Variants in SNX22 observed in about 807,000 individuals in gnomAD.
SNX22 encodes the protein sorting nexin-22.
Under a neutral mutation model 24.7 loss-of-function variants are expected in SNX22, and 23 were observed. The observed-to-expected ratio is 0.93, with a 90% CI of 0.67 to 1.32. The LOEUF (loss-of-function observed/expected upper bound fraction) is 1.32, where lower values mean the gene tolerates loss of function less well. Ranked by LOEUF, SNX22 falls within the 40% of genes most tolerant of loss-of-function variation. SNX22 has a pLI of 0.00. For synonymous variants in SNX22, 99 were observed against 104.0 expected (o/e 0.95, Z 0.29); for missense variants, 261 against 249.9 (o/e 1.04, Z -0.30).
intron 4 of SNX22, 29 bp downstream of exon 4, chr15:64,153,368 G>A (rs1232007315): frequency 4.3e-6 from 7 of 1,612,934 alleles, no homozygotes; most frequent in East Asian, 2.2e-5. Context: ...GGGGGCCAGG[G>A]GCTGTCAGCA....
intron 5 of SNX22, 43 bp from the exon 6 acceptor site, chr15:64,153,892 C>T (rs1343615484): frequency 1.3e-6 from 2 of 1,597,882 alleles, no homozygotes; most frequent in East Asian, 2.2e-5. Flanking sequence ...GGGATTCTGC[C>T]CTGCCTCCCG....
Position 64,155,510 on chromosome 15 carries a change from CAAAAA to C in SNX22, c.*1022_*1026del, listed in dbSNP as rs3056904. 1.0e-4 allele frequency: 13 copies of C among 124,686 alleles called. No individual in the cohort carries two copies. The highest frequency in any genetic ancestry group is 7.1e-4 in the South Asian group (3 of 4,228). The allele number at this position is 124,686 out of a possible 1,614,324, so 7.7% of individuals were successfully genotyped here. ...GCAACATAGTGAGACCTGTCTCTAC[CAAAAA>C]AAAAAAAAAAAAAAAAAAATCAATT... On this transcript the variant is annotated 3_prime_UTR_variant, in exon 7 of 7. Transcript: ENST00000325881.
At position 64,154,079 on chromosome 15, in the gene SNX22, C is replaced by G. The variant is rs114852934; in HGVS notation, c.460+77C>G. 477 of 1,613,562 alleles carry G rather than the reference C, an allele frequency of 3.0e-4. 2 individuals carry two copies. In the African/African-American group the frequency reaches 5.8e-3, roughly 20 times the overall value. The stretch of plus-strand genomic sequence containing the variant: ...TTTCTCGGCTCCTGGGACCCTCAGA[C>G]AGCATCTCCTTCCTGCTGCCCACCT... On this transcript the variant is annotated intron_variant, in intron 6 of 6. Transcript: ENST00000325881.
At chr15:64,154,032 G>C in intron 6 of SNX22, 30 bp downstream of exon 6, 1 of 1,614,140 alleles carries the variant, frequency 6.2e-7, no homozygotes. Context: ...TGGGGCTACA[G>C]GGCTGGGTTG....
In SNX22 at chr15:64,151,995, G is replaced by A. The variant is rs963897861; in HGVS notation, c.75+145G>A. On this transcript the variant is annotated intron_variant, in intron 1 of 6. Coordinates refer to ENST00000325881, the MANE Select transcript of SNX22 (RefSeq NM_024798.3). ...GGGAAACCTTGTCGAGGGTTTGGGG[G>A]CCGCTTGGATTTGCCAGCCTCGCGG... The A allele has an allele frequency of 6.6e-6, 6 of 912,064 alleles. No individual in the cohort carries two copies. In the Admixed American group the frequency reaches 1.7e-4, roughly 26 times the overall value. The allele number at this position is 912,064 out of a possible 1,614,324, so 56.5% of individuals were successfully genotyped here.
Position 64,156,936 on chromosome 15 carries a change from G to A in SNX22, c.*2428G>A, listed in dbSNP as rs28720192. The stretch of plus-strand genomic sequence containing the variant: ...TGGGAAAAAAGACAGAGCAGGTCAG[G>A]GGCGCTGGATTGCGCCAAACCAAGC... On this transcript the variant is annotated 3_prime_UTR_variant, in exon 7 of 7. Transcript: ENST00000325881. The surrounding 1 kb of genome is among the most constrained non-coding windows in gnomAD (Gnocchi z 6.4). 2,489 of 1,612,688 alleles carry A rather than the reference G, an allele frequency of 1.5e-3. 33 individuals are homozygous for A. The African/African-American group carries it at 0.028, about 18-fold the overall frequency.
At position 64,154,383 on chromosome 15, in the gene SNX22, A is replaced by G; in HGVS notation, c.461-4A>G. The G allele has an allele frequency of 1.2e-6, 2 of 1,614,002 alleles. No individual in the cohort carries two copies. The highest frequency in any genetic ancestry group is 8.5e-7 in the Non-Finnish European group (1 of 1,179,998). On this transcript the variant is annotated splice_region_variant and splice_polypyrimidine_tract_variant and intron_variant, in intron 6 of 6. Coordinates refer to ENST00000325881, the MANE Select transcript of SNX22 (RefSeq NM_024798.3). ...GGCCAGACCTGTTTAATTCTATCCC[A>G]CAGAGTCGCTGCCCAACGTGGTGGT...
intron 1 of SNX22, 153 bp downstream of exon 1, chr15:64,152,003 G>A: frequency 1.2e-6 from 1 of 861,712 alleles, no homozygotes. Flanking sequence ...GGGCCGCTTG[G>A]ATTTGCCAGC....
chr15:64,156,480 G>A lies in SNX22; in HGVS notation c.*1972G>A, dbSNP rs1448374442. ...AGGGGTGGGACCAGCACGTCACTGA[G>A]TGAAGGAGGGGAGGGAGGCTCTGGC... On this transcript the variant is annotated 3_prime_UTR_variant, in exon 7 of 7. Transcript: ENST00000325881. This position sits in a 1 kb window ranked among gnomAD's most constrained non-coding sequence, Gnocchi z 6.4. The A allele has an allele frequency of 8.0e-6, 5 of 628,654 alleles. No homozygotes were observed. The highest frequency in any genetic ancestry group is 1.4e-5 in the Non-Finnish European group (5 of 355,444). 38.9% of individuals were successfully genotyped at this position (628,654 alleles called of 1,614,324 possible). A position where few individuals can be genotyped will look rare whatever the true frequency, so the allele number is the denominator to read the frequency against.
Position 64,151,741 on chromosome 15 carries a change from G to A in SNX22, c.-35G>A, listed in dbSNP as rs189940553. The stretch of plus-strand genomic sequence containing the variant: ...CGCTCCGGGAGAGTTAGGGCTCCGA[G>A]CCGAGCGCGCGGAGCAGCTGGGGCC... On this transcript the variant is annotated 5_prime_UTR_variant, in exon 1 of 7. Coordinates refer to ENST00000325881, the MANE Select transcript of SNX22 (RefSeq NM_024798.3). 9.7e-4 allele frequency: 1,479 copies of A among 1,523,800 alleles called. 12 individuals carry two copies. In the African/African-American group the frequency reaches 0.019, roughly 20 times the overall value. 94.4% of individuals were successfully genotyped at this position (1,523,800 alleles called of 1,614,324 possible).
intron 1 of SNX22, 147 bp from the exon 2 acceptor site, chr15:64,152,096 G>C (rs2081490338): frequency 1.2e-6 from 1 of 849,236 alleles, no homozygotes; most frequent in Non-Finnish European, 1.7e-6. Flanking sequence ...AGGTGTGCGG[G>C]AGCGGAGAGT....
chr15:64,152,760 T>G lies in SNX22; in HGVS notation c.264+18T>G. The G allele has an allele frequency of 6.2e-7, 1 of 1,611,062 alleles. No individual in the cohort carries two copies. The highest frequency in any genetic ancestry group is 2.2e-5 in the East Asian group (1 of 44,870). The stretch of plus-strand genomic sequence containing the variant: ...ACATCCAGGTATGCGAGAGCACAGT[T>G]GGTTGCCCCCCGGCCTTCTGTGCCA... On this transcript the variant is annotated intron_variant, in intron 3 of 6. Coordinates refer to ENST00000325881, the MANE Select transcript of SNX22 (RefSeq NM_024798.3).
In SNX22 at chr15:64,156,607, G is replaced by C. The variant is rs560280927; in HGVS notation, c.*2099G>C. 1 of 1,216,090 alleles carries C rather than the reference G, an allele frequency of 8.2e-7. No homozygotes were observed. The highest frequency in any genetic ancestry group is 2.3e-5 in the East Asian group (1 of 43,024). The allele number at this position is 1,216,090 out of a possible 1,614,324, so 75.3% of individuals were successfully genotyped here. A position where few individuals can be genotyped will look rare whatever the true frequency, so the allele number is the denominator to read the frequency against. On this transcript the variant is annotated 3_prime_UTR_variant, in exon 7 of 7. Coordinates refer to ENST00000325881, the MANE Select transcript of SNX22 (RefSeq NM_024798.3). The surrounding 1 kb of genome is among the most constrained non-coding windows in gnomAD (Gnocchi z 6.4). ...TTATTCTGGACAGGAGCACTGGGCT[G>C]CATCTGTGGGTTGGGTCCTTTTGGG...
intron 2 of SNX22, 107 bp downstream of exon 2, chr15:64,152,433 C>A: frequency 7.7e-7 from 1 of 1,291,172 alleles, no homozygotes. Context: ...ACCCCCATTA[C>A]TGCCTCAGTC....
At position 64,151,738 on chromosome 15, in the gene SNX22, C is replaced by T. The variant is rs749915181; in HGVS notation, c.-38C>T. ...GTCCGCTCCGGGAGAGTTAGGGCTC[C>T]GAGCCGAGCGCGCGGAGCAGCTGGG... On this transcript the variant is annotated 5_prime_UTR_variant, in exon 1 of 7. Transcript: ENST00000325881. 2 of 1,522,166 alleles carry T rather than the reference C, an allele frequency of 1.3e-6. No homozygotes were observed. Among genetic ancestry groups the T allele is most frequent in the Non-Finnish European group, 1.8e-6 (2 of 1,138,214 alleles). The allele number at this position is 1,522,166 out of a possible 1,614,324, so 94.3% of individuals were successfully genotyped here. A position where few individuals can be genotyped will look rare whatever the true frequency, so the allele number is the denominator to read the frequency against.
Position 64,154,695 on chromosome 15 carries a change from AT to A in SNX22, c.*188del. The A allele has an allele frequency of 1.4e-6, 1 of 700,856 alleles. No homozygotes were observed. The highest frequency in any genetic ancestry group is 2.3e-6 in the Non-Finnish European group (1 of 431,024). The allele number at this position is 700,856 out of a possible 1,614,324, so 43.4% of individuals were successfully genotyped here. On this transcript the variant is annotated 3_prime_UTR_variant, in exon 7 of 7. Transcript: ENST00000325881. ...GGTAGCTGGAGGTGGTAGAATTTGT[AT>A]GCTCTTAGAGCCCAACAGCCAAGGC...
Position 64,153,100 on chromosome 15 carries a change from A to G in SNX22, c.265-145A>G, listed in dbSNP as rs1043678157. On this transcript the variant is annotated intron_variant, in intron 3 of 6. Coordinates refer to ENST00000325881, the MANE Select transcript of SNX22 (RefSeq NM_024798.3). ...CCTGTGCACACAGCGCCCAGCGCCC[A>G]GAAGGGCCCTGAGCCTGGTTCAACG... is the stretch of plus-strand genomic sequence containing the variant. 36 of 980,136 alleles carry G rather than the reference A, an allele frequency of 3.7e-5. No homozygotes were observed. The African/African-American group carries it at 5.7e-4, about 16-fold the overall frequency. The allele number at this position is 980,136 out of a possible 1,614,324, so 60.7% of individuals were successfully genotyped here.
At position 64,152,758 on chromosome 15, in the gene SNX22, G is replaced by GT; in HGVS notation, c.264+18dup. The GT allele has an allele frequency of 6.2e-7, 1 of 1,611,706 alleles. No homozygotes were observed. Among genetic ancestry groups the GT allele is most frequent in the South Asian group, 1.1e-5 (1 of 91,016 alleles). On this transcript the variant is annotated intron_variant, in intron 3 of 6. Transcript: ENST00000325881. Reference sequence around the variant, plus strand: ...TTACATCCAGGTATGCGAGAGCACAGTTGGTTGCCCCCCGGCCTTCTGTGC... The same window carrying GT: ...TTACATCCAGGTATGCGAGAGCACAGTTTGGTTGCCCCCCGGCCTTCTGTGC...
intron 5 of SNX22, 37 bp downstream of exon 5, chr15:64,153,721 G>GC: frequency 6.2e-7 from 1 of 1,613,844 alleles, no homozygotes; most frequent in African/African-American, 1.3e-5. Flanking sequence ...GGCCCCTGCT[G>GC]CCCCCTAGTG....
Sources: gnomAD v4.1 joint callset for allele counts on GRCh38, gnomAD v4.1.1 for gene constraint, Gnocchi (gnomAD v3.1) non-coding constraint, MANE v1.5 for transcripts, NCBI Gene and HGNC (gene_info 2026-07-23, HGNC 2026-07-21) for gene names.